Variants in NCAM1 observed in about 807,000 individuals in gnomAD.
The protein encoded by NCAM1 is antigen recognized by monoclonal antibody 5.1H11.
NCAM1 carries 14 observed loss-of-function variants against 109.8 expected under a neutral mutation model. That is an observed-to-expected ratio of 0.13 (90% CI 0.08 to 0.20). The LOEUF is 0.20. Among genes scored for constraint, NCAM1 ranks in the 10% least tolerant of loss-of-function variants. The pLI is 1.00. For synonymous variants in NCAM1, 418 were observed against 442.9 expected (o/e 0.94, Z 0.70); for missense variants, 774 against 1,109.9 (o/e 0.70, Z 4.30).
chr11:113,118,206 G>T (rs1042169736), intron 1 of NCAM1, among the ~76,000 whole-genome samples: 2 of 151,538 alleles, frequency 1.3e-5, no homozygotes, highest in Admixed American at 1.3e-4. Context: ...AAAATAAGAT[G>T]TTAAATCTTT....
At chr11:113,130,125 T>C (rs1941331606) in intron 1 of NCAM1, among the ~76,000 whole-genome samples, 2 of 152,218 alleles carry the variant, frequency 1.3e-5, no homozygotes. Context: ...CAGTGTCTTG[T>C]GTTTGACAGT....
At chr11:113,135,712 C>T (rs1555099263) in intron 1 of NCAM1, among the ~76,000 whole-genome samples, 4 of 152,186 alleles carry the variant, frequency 2.6e-5, no homozygotes, top group Non-Finnish European at 4.4e-5. Flanking sequence ...GCCAGAGCCA[C>T]CTGCAATGCC....
intron 1 of NCAM1, among the ~76,000 whole-genome samples, chr11:112,974,334 T>C (rs1281095021): frequency 2.0e-5 from 3 of 152,162 alleles, no homozygotes; most frequent in East Asian, 3.9e-4. Context: ...TTGTGTTTCA[T>C]GTTGTTTCAT....
intron 1 of NCAM1, among the ~76,000 whole-genome samples, chr11:113,146,494 GA>G (rs1440044131): frequency 6.6e-6 from 1 of 152,148 alleles, no homozygotes; most frequent in Non-Finnish European, 1.5e-5. Context: ...GCTCAGGAGT[GA>G]AAATACAGAT....
At chr11:113,198,175 G>A (rs1264810391) in intron 1 of NCAM1, among the ~76,000 whole-genome samples, 1 of 152,168 alleles carries the variant, frequency 6.6e-6, no homozygotes, top group Non-Finnish European at 1.5e-5. Context: ...ACAAGGGATA[G>A]AATAGTGTGG....
At chr11:113,093,698 T>C (rs1164846925) in intron 1 of NCAM1, among the ~76,000 whole-genome samples, 1 of 152,180 alleles carries the variant, frequency 6.6e-6, no homozygotes, top group Non-Finnish European at 1.5e-5. Flanking sequence ...ACCAACACAA[T>C]CAGGTACATG....
intron 1 of NCAM1, among the ~76,000 whole-genome samples, chr11:113,154,556 A>G (rs1378523411): frequency 6.6e-6 from 1 of 152,244 alleles, no homozygotes; most frequent in Non-Finnish European, 1.5e-5. Flanking sequence ...AGGTACTTTA[A>G]AATTGTGTTG....
intron 9 of NCAM1, among the ~76,000 whole-genome samples, chr11:113,224,073 C>T (rs757831526): frequency 2.6e-5 from 4 of 152,294 alleles, no homozygotes; most frequent in Admixed American, 2.0e-4. Flanking sequence ...TGGGGACTGT[C>T]GGACAGTGGG....
At chr11:112,969,924 A>C (rs1950830714) in intron 1 of NCAM1, among the ~76,000 whole-genome samples, 2 of 152,168 alleles carry the variant, frequency 1.3e-5, no homozygotes, top group Admixed American at 1.3e-4. Flanking sequence ...GGCAGGTAAA[A>C]ACTGGGAAAA....
At chr11:113,223,467 T>C (rs1944743556) in intron 9 of NCAM1, among the ~76,000 whole-genome samples, 1 of 152,030 alleles carries the variant, frequency 6.6e-6, no homozygotes, top group Non-Finnish European at 1.5e-5. Flanking sequence ...AAAAAAAAAG[T>C]ATGGCTGTTC....
At chr11:113,046,290 T>C (rs1953263987) in intron 1 of NCAM1, among the ~76,000 whole-genome samples, 3 of 152,236 alleles carry the variant, frequency 2.0e-5, no homozygotes, top group Non-Finnish European at 4.4e-5. Flanking sequence ...GTCAGGCAAC[T>C]GACTTAAAAG....
intron 1 of NCAM1, among the ~76,000 whole-genome samples, chr11:113,137,648 C>A (rs1245138): frequency 0.63 from 96,240 of 151,872 alleles, 30,802 homozygotes; most frequent in Admixed American, 0.74. Context: ...TTTTAAATGA[C>A]ACACTGCAAT....
At chr11:113,250,459 T>C (rs1945643626) in intron 15 of NCAM1, among the ~76,000 whole-genome samples, 1 of 152,142 alleles carries the variant, frequency 6.6e-6, no homozygotes, top group Non-Finnish European at 1.5e-5. Flanking sequence ...CTGGATGTAA[T>C]TGTAATGTTT....
chr11:113,024,254 G>T (rs530006506), intron 1 of NCAM1, among the ~76,000 whole-genome samples: 1 of 152,142 alleles, frequency 6.6e-6, no homozygotes, highest in Non-Finnish European at 1.5e-5. Flanking sequence ...TCAAAGTTAG[G>T]GTAATTTGTG....
chr11:113,257,913 C>G (rs889087804), intron 16 of NCAM1, among the ~76,000 whole-genome samples: 2 of 152,222 alleles, frequency 1.3e-5, no homozygotes, highest in South Asian at 4.1e-4. Flanking sequence ...TGGTTAGACT[C>G]TAAGGAAACT....
chr11:113,152,227 G>A (rs1315046590), intron 1 of NCAM1, among the ~76,000 whole-genome samples: 2 of 152,192 alleles, frequency 1.3e-5, no homozygotes, highest in African/African-American at 2.4e-5. Context: ...CCCATGTGTG[G>A]GGCATCACAG....
intron 1 of NCAM1, among the ~76,000 whole-genome samples, chr11:113,070,191 C>A (rs1435333298): frequency 6.6e-6 from 1 of 151,986 alleles, no homozygotes; most frequent in African/African-American, 2.4e-5. Context: ...GGCTTGGGTG[C>A]TGAATGACGT....
chr11:113,233,441 G>T lies in NCAM1; in HGVS notation c.1693+124G>T, dbSNP rs939700374. On this transcript the variant is annotated intron_variant, in intron 13 of 19. Transcript: ENST00000316851. The surrounding 1 kb of genome is among the most constrained non-coding windows in gnomAD (Gnocchi z 4.5). ...ACTGCACCTCCAGAATTAGGTCAAAGTCATATCTGCCTGTAGAGTTGTTGC... is the reference window on the plus strand; with the variant it reads ...ACTGCACCTCCAGAATTAGGTCAAATTCATATCTGCCTGTAGAGTTGTTGC... 2.5e-5 allele frequency: 27 copies of T among 1,065,390 alleles called. No homozygotes were observed. The South Asian group carries it at 4.2e-4, about 16-fold the overall frequency. 66.0% of individuals were successfully genotyped at this position (1,065,390 alleles called of 1,614,324 possible).
intron 1 of NCAM1, among the ~76,000 whole-genome samples, chr11:113,059,992 A>C (rs1034214973): frequency 2.0e-5 from 3 of 152,228 alleles, no homozygotes; most frequent in African/African-American, 4.8e-5. Context: ...TGTTTTGCTT[A>C]AGAGACAGAA....
Sources: gnomAD v4.1 joint callset for allele counts (sites outside exome capture counted in the v4.1 genomes callset) on GRCh38, gnomAD v4.1.1 for gene constraint, Gnocchi (gnomAD v3.1) non-coding constraint, MANE v1.5 for transcripts, NCBI Gene and HGNC (gene_info 2026-07-23, HGNC 2026-07-21) for gene names.